BRWD1: variants seen among roughly 807,000 people sequenced by gnomAD.
The protein encoded by BRWD1 is bromodomain and WD repeat-containing protein 1.
Under a neutral mutation model 251.2 loss-of-function variants are expected in BRWD1, and 82 were observed. That is an observed-to-expected ratio of 0.33 (90% confidence interval 0.27 to 0.39). The LOEUF is 0.39. Ranked by LOEUF, BRWD1 falls within the 10% of genes least tolerant of loss-of-function variation. BRWD1 has a pLI of 1.00. For missense variants in BRWD1, 2,233 were observed against 2,711.6 expected, an observed-to-expected ratio of 0.82 and a Z score of 3.92; for synonymous variants, 918 against 902.8, an observed-to-expected ratio of 1.02 and a Z score of -0.30.
intron 29 of BRWD1, among the ~76,000 whole-genome samples, chr21:39,221,261 C>T (rs993390531): frequency 6.6e-6 from 1 of 151,584 alleles, no homozygotes; most frequent in African/African-American, 2.4e-5. Context: ...CTCATAATGT[C>T]TATTTAGTGC....
At position 39,194,996 on chromosome 21, in the gene BRWD1, C is replaced by CGAG; in HGVS notation, c.*1262_*1263insCTC. The CGAG allele has an allele frequency of 7.1e-7, 1 of 1,402,794 alleles. No individual in the cohort carries two copies. Among genetic ancestry groups the CGAG allele is most frequent in the Admixed American group, 2.9e-5 (1 of 34,228 alleles). 86.9% of individuals were successfully genotyped at this position (1,402,794 alleles called of 1,614,324 possible). The stretch of plus-strand genomic sequence containing the variant: ...CAGGCACAAACAAGTTAGGAATGGC[C>CGAG]ATCTACACTGGAGTAGCATAACCTA... On this transcript the variant is annotated 3_prime_UTR_variant, in exon 41 of 41. Coordinates refer to ENST00000342449, the MANE Select transcript of BRWD1 (RefSeq NM_033656.4).
At chr21:39,308,968 G>A (rs2036377918) in intron 4 of BRWD1, among the ~76,000 whole-genome samples, 1 of 152,122 alleles carries the variant, frequency 6.6e-6, no homozygotes, top group Non-Finnish European at 1.5e-5. Context: ...AAGGTCAAGA[G>A]ATGGAGACCA....
In BRWD1 at chr21:39,191,420, T is replaced by A. The variant is rs2031548399; in HGVS notation, c.*4839A>T. 1.0e-6 allele frequency: 1 copy of A among 985,230 alleles called. No homozygotes were observed. The highest frequency in any genetic ancestry group is 1.2e-6 in the Non-Finnish European group (1 of 829,772). The allele number at this position is 985,230 out of a possible 1,614,324, so 61.0% of individuals were successfully genotyped here. ...AGTGTTTTGTTTTGTTTTTTAACTC[T>A]TTTGCTTGTTAAGATGAAAATGCTA... On this transcript the variant is annotated 3_prime_UTR_variant, in exon 41 of 41. Coordinates refer to ENST00000342449, the MANE Select transcript of BRWD1 (RefSeq NM_033656.4).
At position 39,196,514 on chromosome 21, in the gene BRWD1, T is replaced by C; in HGVS notation, c.6555A>G (p.Ala2185=). ...AAGTTTTACCTTTTCTAACTACTTT[T>C]GCTTTTCCTTTCGTTTTCCTCCTTT... ...KTKRRKTKGK[A]KVVRKGKTFT... The change falls in exon 41 of 41, where the codon GCA becomes GCG. Residue 2185 remains alanine, a synonymous_variant. Coordinates refer to ENST00000342449, the MANE Select transcript of BRWD1 (RefSeq NM_033656.4). The C allele has an allele frequency of 2.5e-6, 4 of 1,613,746 alleles. No individual in the cohort carries two copies. Among genetic ancestry groups the C allele is most frequent in the Non-Finnish European group, 3.4e-6 (4 of 1,179,798 alleles).
At chr21:39,260,748 T>A (rs546501771) in intron 17 of BRWD1, among the ~76,000 whole-genome samples, 1 of 152,080 alleles carries the variant, frequency 6.6e-6, no homozygotes, top group Non-Finnish European at 1.5e-5. Flanking sequence ...AGTCTCCAGG[T>A]TACAGAACAA....
chr21:39,314,077 A>T (rs1330521278), upstream of BRWD1: 3 of 455,996 alleles, frequency 6.6e-6, no homozygotes, highest in Non-Finnish European at 8.8e-6. Flanking sequence ...GTCGCTCGGA[A>T]GGGTCATTTC....
intron 37 of BRWD1, among the ~76,000 whole-genome samples, chr21:39,205,723 A>T (rs1225197408): frequency 6.6e-6 from 1 of 151,838 alleles, no homozygotes; most frequent in Non-Finnish European, 1.5e-5. Context: ...GTCAGCCAAG[A>T]TCATGCCACT....
intron 25 of BRWD1, among the ~76,000 whole-genome samples, chr21:39,231,225 C>G (rs1227452265): frequency 1.3e-5 from 2 of 152,208 alleles, no homozygotes; most frequent in African/African-American, 4.8e-5. Flanking sequence ...TACTACCCCA[C>G]AGATCATCAC....
chr21:39,220,136 G>A (rs897444546), intron 29 of BRWD1, among the ~76,000 whole-genome samples: 25 of 152,080 alleles, frequency 1.6e-4, no homozygotes, highest in African/African-American at 5.6e-4. Flanking sequence ...GGGTGTGTGG[G>A]TGTGTCTGTT....
chr21:39,228,549 A>G lies in BRWD1; in HGVS notation c.3159T>C (p.Leu1053=), dbSNP rs1405221341. The G allele has an allele frequency of 1.9e-6, 3 of 1,613,074 alleles. No homozygotes were observed. The highest frequency in any genetic ancestry group is 2.2e-5 in the South Asian group (2 of 91,012). The change falls in exon 27 of 41, where the codon CTT becomes CTC. Residue 1053 remains leucine, a synonymous_variant. Coordinates refer to ENST00000342449, the MANE Select transcript of BRWD1 (RefSeq NM_033656.4). The stretch of plus-strand genomic sequence containing the variant: ...CTTCATCATAAAATTGACGCAATAC[A>G]AGAAAGTCAATAACATCTGGCATAT... The part of the protein sequence containing the change: ...YHDMPDVIDF[L]VLRQFYDEAR...
chr21:39,289,477 T>G (rs942922160), intron 8 of BRWD1, among the ~76,000 whole-genome samples: 1 of 152,194 alleles, frequency 6.6e-6, no homozygotes, highest in Non-Finnish European at 1.5e-5. Context: ...TTTTTTTGTC[T>G]TAAGTCTTCA....
chr21:39,223,578 G>C (rs1194162995), intron 29 of BRWD1, among the ~76,000 whole-genome samples: 1 of 152,180 alleles, frequency 6.6e-6, no homozygotes, highest in Non-Finnish European at 1.5e-5. Flanking sequence ...AACCTGACTG[G>C]AGAAAGGTAG....
At chr21:39,313,335 G>C in intron 1 of BRWD1, 36 bp from the exon 2 acceptor site, 1 of 1,510,720 alleles carries the variant, frequency 6.6e-7, no homozygotes, top group Middle Eastern at 2.2e-4. Context: ...AAGCCCCGGC[G>C]GGGAGGGGAG....
chr21:39,226,493 T>A (rs1270873283), intron 27 of BRWD1, among the ~76,000 whole-genome samples: 1 of 152,182 alleles, frequency 6.6e-6, no homozygotes, highest in African/African-American at 2.4e-5. Flanking sequence ...CTGTAGATAA[T>A]TCAGTTTTAA....
Position 39,195,915 on chromosome 21 carries a change from T to C in BRWD1, c.*344A>G, listed in dbSNP as rs2031789009. On this transcript the variant is annotated 3_prime_UTR_variant, in exon 41 of 41. Transcript: ENST00000342449. ...CTGCCTCTTTGACAAATTCAGAAAA[T>C]AACTGCATGACACTTGCTGCCATGA... is the stretch of plus-strand genomic sequence containing the variant. 1 of 1,010,814 alleles carries C rather than the reference T, an allele frequency of 9.9e-7. No homozygotes were observed. Among genetic ancestry groups the C allele is most frequent in the Non-Finnish European group, 1.2e-6 (1 of 847,266 alleles). 62.6% of individuals were successfully genotyped at this position (1,010,814 alleles called of 1,614,324 possible).
intron 5 of BRWD1, 126 bp from the exon 6 acceptor site, chr21:39,296,489 A>G (rs983111524): frequency 1.6e-6 from 2 of 1,271,978 alleles, no homozygotes; most frequent in African/African-American, 3.1e-5. Flanking sequence ...ATACTTTAAC[A>G]GAAAAGCCCT....
Position 39,194,890 on chromosome 21 carries a change from TAATA to T in BRWD1, c.*1365_*1368del, listed in dbSNP as rs1447632229. The T allele has an allele frequency of 3.9e-6, 6 of 1,527,620 alleles. No individual in the cohort carries two copies. The highest frequency in any genetic ancestry group is 2.8e-5 in the African/African-American group (2 of 72,716). 94.6% of individuals were successfully genotyped at this position (1,527,620 alleles called of 1,614,324 possible). ...GTCTGAAATCAAACACAATTAGGGC[TAATA>T]AATAACTTACAGGTGGGGTACTGTA... On this transcript the variant is annotated 3_prime_UTR_variant, in exon 41 of 41. Transcript: ENST00000342449.
intron 18 of BRWD1, among the ~76,000 whole-genome samples, chr21:39,257,688 T>G (rs1373637478): frequency 6.6e-6 from 1 of 152,086 alleles, no homozygotes; most frequent in Non-Finnish European, 1.5e-5. Flanking sequence ...CACTGTATTA[T>G]GGTTATGTAA....
intron 19 of BRWD1, among the ~76,000 whole-genome samples, chr21:39,255,413 GA>G (rs1020652274): frequency 1.5e-4 from 21 of 142,236 alleles, no homozygotes; most frequent in Non-Finnish European, 2.0e-4. Flanking sequence ...ACTCCGTCTC[GA>G]AAAAAAAAAA....
Sources: allele counts gnomAD v4.1 joint callset (sites outside exome capture counted in the v4.1 genomes callset), GRCh38; gene constraint gnomAD v4.1.1; transcripts MANE v1.5; gene names NCBI Gene and HGNC (gene_info 2026-07-23, HGNC 2026-07-21).